ACAD11: variants seen among roughly 807,000 people sequenced by gnomAD.
ACAD11 encodes the protein acyl-Coenzyme A dehydrogenase family, member 11.
In ACAD11, 83 loss-of-function variants were observed where a neutral mutation model predicts 102.2. The ratio of observed to expected loss-of-function variants is 0.81; its 90% CI spans 0.68 to 0.97. ACAD11 has a LOEUF of 0.97. Among genes scored for constraint, ACAD11 ranks in the 50% least tolerant of loss-of-function variants. The probability of loss-of-function intolerance (pLI) is 0.00; values close to 1 mark genes in which losing one functional copy is unlikely to be tolerated. For missense variants in ACAD11, 901 were observed against 951.7 expected, an observed-to-expected ratio of 0.95 and a Z score of 0.70; for synonymous variants, 324 against 319.8, an observed-to-expected ratio of 1.01 and a Z score of -0.14.
At chr3:132,631,528 G>C (rs376353828) in intron 5 of ACAD11, 49 bp from the exon 6 acceptor site, 68 of 1,288,316 alleles carry the variant, frequency 5.3e-5, no homozygotes, top group Non-Finnish European at 6.5e-5. Flanking sequence ...CTTAAAACAA[G>C]TATAATAAAG....
intron 17 of ACAD11, among the ~76,000 whole-genome samples, chr3:132,573,163 G>A (rs1466753012): frequency 2.0e-5 from 3 of 152,002 alleles, no homozygotes; most frequent in Non-Finnish European, 4.4e-5. Context: ...CCCCACTTAT[G>A]AGTGAGAACA....
intron 5 of ACAD11, among the ~76,000 whole-genome samples, chr3:132,638,460 A>G (rs1211304398): frequency 2.0e-5 from 3 of 152,232 alleles, no homozygotes; most frequent in African/African-American, 7.2e-5. Context: ...AATGAAAGTT[A>G]AGCATAAATT....
chr3:132,584,158 G>A (rs916276344), intron 13 of ACAD11, among the ~76,000 whole-genome samples: 3 of 152,148 alleles, frequency 2.0e-5, no homozygotes, highest in African/African-American at 7.2e-5. Context: ...TGACAGTGGG[G>A]TGTTAAAGTC....
At position 132,575,779 on chromosome 3, in the gene ACAD11, TACA is replaced by T. The variant is rs1937513566; in HGVS notation, c.1991_1993del (p.Leu664del). 2 of 1,613,934 alleles carry T rather than the reference TACA, an allele frequency of 1.2e-6. No homozygotes were observed. The highest frequency in any genetic ancestry group is 1.3e-5 in the African/African-American group (1 of 74,928). ...ATAAGTAATCGTCCTCACATGTGCA[TACA>T]ACTTCTTCTTGAAAGCTATCCTTTG... On this transcript the variant is annotated inframe_deletion, in exon 17 of 20. Coordinates refer to ENST00000264990, the MANE Select transcript of ACAD11 (RefSeq NM_032169.5).
At chr3:132,570,198 T>G (rs1937334592) in intron 17 of ACAD11, among the ~76,000 whole-genome samples, 1 of 152,170 alleles carries the variant, frequency 6.6e-6, no homozygotes, top group Non-Finnish European at 1.5e-5. Flanking sequence ...TTCAGAATTC[T>G]GCAATGAAAC....
intron 1 of ACAD11, among the ~76,000 whole-genome samples, chr3:132,652,178 T>C (rs908400531): frequency 6.6e-6 from 1 of 152,140 alleles, no homozygotes; most frequent in East Asian, 1.9e-4. Context: ...CAGTGGGTCT[T>C]TCCTGTGCTG....
intron 13 of ACAD11, among the ~76,000 whole-genome samples, chr3:132,598,130 C>G (rs1474539478): frequency 6.6e-6 from 1 of 151,932 alleles, no homozygotes; most frequent in Non-Finnish European, 1.5e-5. Context: ...ATTATTGATT[C>G]TATAAGAATA....
intron 17 of ACAD11, chr3:132,561,442 G>T (rs148752276): frequency 6.0e-6 from 3 of 498,028 alleles, no homozygotes; most frequent in Non-Finnish European, 7.5e-6. Flanking sequence ...ATTTTAGAAA[G>T]AAATTTTATT....
intron 13 of ACAD11, among the ~76,000 whole-genome samples, chr3:132,599,193 A>G (rs1309824891): frequency 6.6e-6 from 1 of 152,116 alleles, no homozygotes; most frequent in East Asian, 1.9e-4. Context: ...TGGTCAATAA[A>G]TAAATAAATA....
rs1247546383 is a variant in ACAD11 at position 132,585,075 on chromosome 3, C to T, written c.1622-5517G>A. Among the ~76,000 whole-genome samples, 5 of 152,258 alleles carry T rather than the reference C, an allele frequency of 3.3e-5. No homozygotes were observed. In the South Asian group the frequency reaches 6.2e-4, roughly 19 times the overall value. ...CAAAAGAACAAAGCTGTAGGCATCA[C>T]GCTACCTGACTTCAAACTATACTAC... On this transcript the variant is annotated intron_variant, in intron 13 of 19. Transcript: ENST00000264990.
intron 17 of ACAD11, among the ~76,000 whole-genome samples, chr3:132,561,731 T>TTATA (rs1460695024): frequency 1.3e-5 from 2 of 152,320 alleles, no homozygotes; most frequent in East Asian, 3.9e-4. Flanking sequence ...GACAGTTGAA[T>TTATA]TATAATACAT....
intron 13 of ACAD11, among the ~76,000 whole-genome samples, chr3:132,582,508 T>C (rs907225196): frequency 6.6e-6 from 1 of 151,902 alleles, no homozygotes; most frequent in Non-Finnish European, 1.5e-5. Context: ...GATTCCCAAG[T>C]AGGAGACTGA....
chr3:132,593,764 G>A (rs1048967896), intron 13 of ACAD11, among the ~76,000 whole-genome samples: 2 of 152,114 alleles, frequency 1.3e-5, no homozygotes, highest in Non-Finnish European at 2.9e-5. Context: ...AAGAGGGTGT[G>A]GGGAGAGAGA....
chr3:132,639,010 T>C (rs971430217), intron 5 of ACAD11, among the ~76,000 whole-genome samples: 7 of 152,322 alleles, frequency 4.6e-5, no homozygotes, highest in Admixed American at 1.3e-4. Context: ...CACATTTACA[T>C]TGAGCAAGGT....
At chr3:132,597,948 A>T (rs920858837) in intron 13 of ACAD11, among the ~76,000 whole-genome samples, 2 of 152,128 alleles carry the variant, frequency 1.3e-5, no homozygotes, top group African/African-American at 2.4e-5. Context: ...AGAGTCATTT[A>T]AAAAAGTTGG....
intron 17 of ACAD11, among the ~76,000 whole-genome samples, chr3:132,566,980 T>C (rs1937232862): frequency 6.6e-6 from 1 of 152,198 alleles, no homozygotes; most frequent in South Asian, 2.1e-4. Flanking sequence ...AAGACAATTA[T>C]ATTGTTTATT....
intron 11 of ACAD11, among the ~76,000 whole-genome samples, chr3:132,609,964 C>A (rs1276836733): frequency 6.6e-6 from 1 of 152,186 alleles, no homozygotes. Flanking sequence ...GGATGCAAGG[C>A]TGGTTCAACA....
At chr3:132,609,873 T>A (rs557418848) in intron 11 of ACAD11, among the ~76,000 whole-genome samples, 1 of 151,952 alleles carries the variant, frequency 6.6e-6, no homozygotes, top group East Asian at 1.9e-4. Flanking sequence ...GAAGTGAAAA[T>A]CCTCAATAAA....
At chr3:132,638,244 T>C (rs1160129048) in intron 5 of ACAD11, among the ~76,000 whole-genome samples, 4 of 152,090 alleles carry the variant, frequency 2.6e-5, no homozygotes, top group African/African-American at 9.7e-5. Flanking sequence ...AGGTACACAA[T>C]GTCAATTTCC....
Sources: allele counts gnomAD v4.1 joint callset (sites outside exome capture counted in the v4.1 genomes callset), GRCh38; gene constraint gnomAD v4.1.1; transcripts MANE v1.5; gene names NCBI Gene and HGNC (gene_info 2026-07-23, HGNC 2026-07-21).